The following FANCD2 variants were observed in gnomAD, a reference collection of about 807,000 sequenced individuals.
FANCD2 encodes the protein FA complementation group D2.
Under a neutral mutation model 192.3 loss-of-function variants are expected in FANCD2, and 131 were observed. The ratio of observed to expected loss-of-function variants is 0.68; its 90% CI spans 0.59 to 0.79. The LOEUF (loss-of-function observed/expected upper bound fraction) is 0.79, where lower values mean the gene tolerates loss of function less well. Among genes scored for constraint, FANCD2 ranks in the 30% least tolerant of loss-of-function variants. FANCD2 has a pLI of 0.00. For synonymous variants in FANCD2, 524 were observed against 612.5 expected (o/e 0.86, Z 2.13); for missense variants, 1,508 against 1,701.6 (o/e 0.89, Z 2.00).
intron 32 of FANCD2, among the ~76,000 whole-genome samples, chr3:10,084,008 G>A (rs910927829): frequency 2.0e-5 from 3 of 151,216 alleles, no homozygotes; most frequent in African/African-American, 7.3e-5. Flanking sequence ...TTGTGTGTGT[G>A]TGAGAGACAG....
At chr3:10,035,719 G>C (rs757885302) in intron 6 of FANCD2, among the ~76,000 whole-genome samples, 1 of 151,968 alleles carries the variant, frequency 6.6e-6, no homozygotes, top group African/African-American at 2.4e-5. Context: ...CTCCCCTACT[G>C]TTAATCTTTT....
intron 18 of FANCD2, among the ~76,000 whole-genome samples, chr3:10,057,647 G>A (rs1205448236): frequency 2.0e-5 from 3 of 152,130 alleles, no homozygotes; most frequent in African/African-American, 4.8e-5. Flanking sequence ...ACAGGCATGA[G>A]CTACTGCTCC....
intron 41 of FANCD2, 92 bp from the exon 42 acceptor site, chr3:10,096,234 G>C: frequency 7.4e-7 from 1 of 1,351,626 alleles, no homozygotes; most frequent in Non-Finnish European, 1.1e-6. Flanking sequence ...GGCAGGGCTT[G>C]TGTTCTTATT....
In FANCD2 at chr3:10,085,460, C is replaced by T. The variant is rs370942558; in HGVS notation, c.3225-352C>T. 8.1e-5 allele frequency among the ~76,000 whole-genome samples: 12 copies of T among 149,052 alleles called. 1 individual carries two copies. The East Asian group carries it at 9.8e-4, about 12-fold the overall frequency. On this transcript the variant is annotated intron_variant, in intron 32 of 43. Transcript: ENST00000675286. ...AGGCTGGAGTGCAGTGGCACAATCT[C>T]GGCTCACTGCAGCCTCCACCTCCCG...
At chr3:10,061,984 G>A (rs2087582425) in intron 19 of FANCD2, among the ~76,000 whole-genome samples, 167 bp from the exon 20 acceptor site, 1 of 138,536 alleles carries the variant, frequency 7.2e-6, no homozygotes, top group South Asian at 2.7e-4. Context: ...GTGGGGGAGG[G>A]GGGAGGGATA....
chr3:10,093,508 T>G (rs183652685), intron 39 of FANCD2, among the ~76,000 whole-genome samples, 185 bp downstream of exon 39: 1 of 152,350 alleles, frequency 6.6e-6, no homozygotes, highest in African/African-American at 2.4e-5. Flanking sequence ...GAAGCCAGTT[T>G]TCCTATGAAT....
chr3:10,090,471 T>TTTC (rs1694528043), intron 37 of FANCD2, 86 bp downstream of exon 37: 2 of 808,324 alleles, frequency 2.5e-6, no homozygotes, highest in African/African-American at 4.3e-5. Flanking sequence ...TTTTTTTTTT[T>TTTC]CTGAGACAGA....
At chr3:10,050,468 C>G (rs538293995) in intron 17 of FANCD2, among the ~76,000 whole-genome samples, 1 of 151,668 alleles carries the variant, frequency 6.6e-6, no homozygotes, top group East Asian at 2.0e-4. Flanking sequence ...ACTAAAAATA[C>G]AAAAATTAGC....
chr3:10,064,337 G>A lies in FANCD2; in HGVS notation c.1948-19G>A, dbSNP rs778203905. 3.2e-6 allele frequency: 5 copies of A among 1,578,398 alleles called. No homozygotes were observed. Among genetic ancestry groups the A allele is most frequent in the Non-Finnish European group, 4.4e-6 (5 of 1,147,466 alleles). ...AAGTACACTCTGCACTGCCCTTTTT[G>A]TTTGTTTGCTTCCTGAAGGAATGGG... On this transcript the variant is annotated intron_variant, in intron 21 of 43. Coordinates refer to ENST00000675286, the MANE Select transcript of FANCD2 (RefSeq NM_001018115.3).
intron 37 of FANCD2, 50 bp downstream of exon 37, chr3:10,090,435 A>C: frequency 1.3e-6 from 1 of 794,060 alleles, no homozygotes. Flanking sequence ...ATTACTTGGA[A>C]GTTGCTGATT....
At chr3:10,031,317 C>T (rs1559368668) in intron 2 of FANCD2, among the ~76,000 whole-genome samples, 2 of 152,042 alleles carry the variant, frequency 1.3e-5, no homozygotes, top group Admixed American at 6.5e-5. Flanking sequence ...TCTTGGCTAA[C>T]ATGGTGAAAC....
At chr3:10,044,304 C>G (rs1198085287) in intron 14 of FANCD2, among the ~76,000 whole-genome samples, 1 of 152,034 alleles carries the variant, frequency 6.6e-6, no homozygotes, top group African/African-American at 2.4e-5. Context: ...GTAAATCAAT[C>G]TGTCCACTGT....
chr3:10,069,747 G>A (rs544879199), intron 26 of FANCD2, among the ~76,000 whole-genome samples: 2 of 152,306 alleles, frequency 1.3e-5, no homozygotes, highest in South Asian at 4.1e-4. Context: ...TGCAGACGGA[G>A]TCTGGTTCAC....
intron 12 of FANCD2, among the ~76,000 whole-genome samples, 158 bp downstream of exon 12, chr3:10,043,308 G>A (rs192558960): frequency 1.1e-4 from 17 of 152,228 alleles, no homozygotes; most frequent in Non-Finnish European, 1.3e-4. Flanking sequence ...GTATGTATGT[G>A]TTTATATATT....
In FANCD2 at chr3:10,069,759, C is replaced by G. The variant is rs1355730643; in HGVS notation, c.2494+2442C>G. Among the ~76,000 whole-genome samples, 6 of 152,296 alleles carry G rather than the reference C, an allele frequency of 3.9e-5. No individual in the cohort carries two copies. The South Asian group carries it at 1.2e-3, about 32-fold the overall frequency. ...GATTGCAGACGGAGTCTGGTTCACTCAGTGCTCAATGGTGCCCAGGCTGGA... is the reference window on the plus strand; with the variant it reads ...GATTGCAGACGGAGTCTGGTTCACTGAGTGCTCAATGGTGCCCAGGCTGGA... On this transcript the variant is annotated intron_variant, in intron 26 of 43. Coordinates refer to ENST00000675286, the MANE Select transcript of FANCD2 (RefSeq NM_001018115.3).
At chr3:10,057,660 GC>G (rs1485360320) in intron 18 of FANCD2, among the ~76,000 whole-genome samples, 4 of 152,000 alleles carry the variant, frequency 2.6e-5, no homozygotes, top group Non-Finnish European at 4.4e-5. Context: ...ACTGCTCCCG[GC>G]CTCCATTAAG....
chr3:10,061,279 C>T (rs537766101), intron 19 of FANCD2, among the ~76,000 whole-genome samples: 1 of 152,334 alleles, frequency 6.6e-6, no homozygotes, highest in South Asian at 2.1e-4. Flanking sequence ...TATACTTTCT[C>T]TAAGAAATCT....
chr3:10,045,088 GT>G (rs76340293), intron 14 of FANCD2, among the ~76,000 whole-genome samples: 1,792 of 128,804 alleles, frequency 0.014, 49 homozygotes, highest in South Asian at 0.058. Flanking sequence ...CTTTTTAACT[GT>G]TTTTTTTTTT....
At chr3:10,041,403 G>T (rs1490041825) in intron 9 of FANCD2, 1 of 461,464 alleles carries the variant, frequency 2.2e-6, no homozygotes. Flanking sequence ...GTGATGGAAG[G>T]CTTCTTGTTT....
Sources: allele counts gnomAD v4.1 joint callset (sites outside exome capture counted in the v4.1 genomes callset), GRCh38; gene constraint gnomAD v4.1.1; transcripts MANE v1.5; gene names NCBI Gene and HGNC (gene_info 2026-07-23, HGNC 2026-07-21).